SLC2A9: variants seen among roughly 807,000 people sequenced by gnomAD.
SLC2A9 encodes the protein solute carrier family 2 member 9, also known as solute carrier family 2, facilitated glucose transporter member 9.
SLC2A9 carries 39 observed loss-of-function variants against 50.6 expected under a neutral mutation model. The observed-to-expected ratio is 0.77, with a 90% confidence interval of 0.60 to 1.01. The LOEUF (loss-of-function observed/expected upper bound fraction) is 1.01, where lower values mean the gene tolerates loss of function less well. Ranked by LOEUF, SLC2A9 falls within the 50% of genes least tolerant of loss-of-function variation. The pLI, the probability that SLC2A9 is intolerant of heterozygous loss-of-function variation, is 0.00. For missense variants in SLC2A9, 686 were observed against 677.6 expected (o/e 1.01, Z -0.14); for synonymous variants, 324 against 276.9 (o/e 1.17, Z -1.69).
chr4:9,899,801 C>T (rs1217233304), intron 8 of SLC2A9, among the ~76,000 whole-genome samples: 3 of 152,202 alleles, frequency 2.0e-5, no homozygotes, highest in Non-Finnish European at 4.4e-5. Context: ...GCAAAACAGA[C>T]ATGGGTTTTC....
chr4:9,983,413 A>C (rs368457040), intron 4 of SLC2A9, among the ~76,000 whole-genome samples: 2 of 152,246 alleles, frequency 1.3e-5, no homozygotes, highest in Non-Finnish European at 2.9e-5. Context: ...CATTGTGCAC[A>C]TTGGGACTTT....
downstream of SLC2A9, among the ~76,000 whole-genome samples, chr4:9,795,634 G>A (rs1850740): frequency 0.12 from 18,428 of 152,088 alleles, 1,162 homozygotes; most frequent in Middle Eastern, 0.16. Flanking sequence ...TGGGCTGGAG[G>A]GCCATTAAGA....
chr4:10,009,728 C>T (rs1348532524), intron 2 of SLC2A9: 1 of 152,184 alleles, frequency 6.6e-6, no homozygotes, highest in African/African-American at 2.4e-5. Context: ...CAAATAAGTC[C>T]TAATTTATAT....
chr4:9,866,563 C>T (rs973976113), intron 10 of SLC2A9, among the ~76,000 whole-genome samples: 2 of 152,124 alleles, frequency 1.3e-5, no homozygotes, highest in African/African-American at 4.8e-5. Flanking sequence ...CCAGTATTCA[C>T]GCTCATGTCA....
chr4:9,879,380 G>C, intron 10 of SLC2A9: 4 of 974,702 alleles, frequency 4.1e-6, no homozygotes, highest in Non-Finnish European at 4.9e-6. Context: ...ATTTATGTGT[G>C]TATGTGTGTG....
intron 3 of SLC2A9, among the ~76,000 whole-genome samples, chr4:9,803,331 G>A (rs771992848): frequency 8.5e-5 from 13 of 152,240 alleles, no homozygotes; most frequent in Admixed American, 1.3e-4. Context: ...CTTTGTGCCT[G>A]TATTTTTACT....
intron 3 of SLC2A9, among the ~76,000 whole-genome samples, chr4:9,989,199 T>C (rs562130024): frequency 6.6e-6 from 1 of 152,314 alleles, no homozygotes; most frequent in African/African-American, 2.4e-5. Flanking sequence ...TCATTACATA[T>C]GCCTGGCAAA....
chr4:9,826,257 A>G lies in SLC2A9; in HGVS notation c.*140T>C. The G allele has an allele frequency of 2.6e-6, 2 of 775,528 alleles. No homozygotes were observed. Among genetic ancestry groups the G allele is most frequent in the Non-Finnish European group, 4.3e-6 (2 of 465,044 alleles). The allele number at this position is 775,528 out of a possible 1,614,324, so 48.0% of individuals were successfully genotyped here. A position where few individuals can be genotyped will look rare whatever the true frequency, so the allele number is the denominator to read the frequency against. On this transcript the variant is annotated 3_prime_UTR_variant, in exon 12 of 12. Coordinates refer to ENST00000264784, the MANE Select transcript of SLC2A9 (RefSeq NM_020041.3). ...GTACAGGTTTACTTTTAAATATTTAATAATATAAAAGACTTGCATAGCTTC... is the reference window on the plus strand; with the variant it reads ...GTACAGGTTTACTTTTAAATATTTAGTAATATAAAAGACTTGCATAGCTTC...
At chr4:9,777,164 T>C (rs1259314529), downstream of SLC2A9, among the ~76,000 whole-genome samples, 1 of 152,216 alleles carries the variant, frequency 6.6e-6, no homozygotes, top group East Asian at 1.9e-4. Flanking sequence ...AGATAAGGAA[T>C]ATGTTTTTAA....
chr4:9,800,667 A>G (rs1380945723), intron 3 of SLC2A9, among the ~76,000 whole-genome samples: 1 of 152,250 alleles, frequency 6.6e-6, no homozygotes, highest in Non-Finnish European at 1.5e-5. Flanking sequence ...ATTATTCAGG[A>G]AAAGGAACAC....
intron 1 of SLC2A9, among the ~76,000 whole-genome samples, chr4:10,026,813 G>A (rs965689885): frequency 1.3e-5 from 2 of 152,202 alleles, no homozygotes; most frequent in Non-Finnish European, 2.9e-5. Context: ...GGAGGCCGAG[G>A]CGGGTGGATC....
intron 2 of SLC2A9, among the ~76,000 whole-genome samples, chr4:10,011,445 A>G (rs1376229043): frequency 6.6e-6 from 1 of 152,202 alleles, no homozygotes. Context: ...AACTCTGGCA[A>G]TCATCCCAGA....
intron 5 of SLC2A9, among the ~76,000 whole-genome samples, chr4:9,960,994 T>A (rs891316716): frequency 7.2e-5 from 11 of 152,168 alleles, no homozygotes; most frequent in Non-Finnish European, 1.6e-4. Flanking sequence ...ACATATAGTG[T>A]CTCTTTTAAT....
chr4:9,911,819 A>T (rs766508068), intron 7 of SLC2A9, among the ~76,000 whole-genome samples: 31 of 152,230 alleles, frequency 2.0e-4, no homozygotes, highest in Non-Finnish European at 3.5e-4. Flanking sequence ...TGTAGGTATC[A>T]TTCTAGAAGG....
chr4:9,809,792 G>A (rs891193501), intron 3 of SLC2A9, among the ~76,000 whole-genome samples: 2 of 151,750 alleles, frequency 1.3e-5, no homozygotes, highest in African/African-American at 4.8e-5. Context: ...ACTATCAATG[G>A]TTTTAACTTA....
Position 9,846,863 on chromosome 4 carries a change from C to T in SLC2A9, c.1292-11855G>A, listed in dbSNP as rs6847291. ...ACTATCATCAATTTCTAAAGCCCCC[C>T]CAAATGCCTAGAAATCTCCTTAAAA... On this transcript the variant is annotated intron_variant, in intron 10 of 11. Coordinates refer to ENST00000264784, the MANE Select transcript of SLC2A9 (RefSeq NM_020041.3). Among the ~76,000 whole-genome samples the T allele has an allele frequency of 8.0e-3, 1,218 of 152,298 alleles. 16 individuals carry two copies. Among genetic ancestry groups the T allele is most frequent in the African/African-American group, 0.028 (1,156 of 41,564 alleles).
intron 3 of SLC2A9, among the ~76,000 whole-genome samples, chr4:9,993,661 T>C (rs2109253504): frequency 6.6e-6 from 1 of 152,166 alleles, no homozygotes; most frequent in East Asian, 1.9e-4. Context: ...TCCTGTCTCA[T>C]GAGGGAAGGA....
At chr4:9,804,099 G>A (rs1245600362) in intron 3 of SLC2A9, among the ~76,000 whole-genome samples, 2 of 152,190 alleles carry the variant, frequency 1.3e-5, no homozygotes, top group Non-Finnish European at 2.9e-5. Flanking sequence ...GTTATAAGGA[G>A]AGCAAGATAC....
At chr4:9,969,884 A>C (rs1440547282) in intron 5 of SLC2A9, among the ~76,000 whole-genome samples, 1 of 152,254 alleles carries the variant, frequency 6.6e-6, no homozygotes, top group Non-Finnish European at 1.5e-5. Flanking sequence ...ATTCAAGATG[A>C]GATCTGGGTG....
Sources: allele counts gnomAD v4.1 joint callset (sites outside exome capture counted in the v4.1 genomes callset), GRCh38; gene constraint gnomAD v4.1.1; transcripts MANE v1.5; gene names NCBI Gene and HGNC (gene_info 2026-07-23, HGNC 2026-07-21).